INPP4B: variants seen among roughly 807,000 people sequenced by gnomAD.
INPP4B encodes the protein inositol polyphosphate-4-phosphatase type II B, also known as inositol polyphosphate 4-phosphatase type II.
In INPP4B, 55 loss-of-function variants were observed where a neutral mutation model predicts 122.5. The observed-to-expected ratio is 0.45, with a 90% confidence interval of 0.36 to 0.56. The LOEUF is 0.56. Ranked by LOEUF, INPP4B falls within the 20% of genes least tolerant of loss-of-function variation. INPP4B has a pLI of 0.00. For synonymous variants in INPP4B, 403 were observed against 388.7 expected (o/e 1.04, Z -0.43); for missense variants, 1,000 against 1,097.7 (o/e 0.91, Z 1.26).
chr4:142,504,484 T>C (rs1184031022), intron 2 of INPP4B, among the ~76,000 whole-genome samples: 2 of 152,188 alleles, frequency 1.3e-5, no homozygotes, highest in Non-Finnish European at 1.5e-5. Context: ...TACTTTTCTA[T>C]ATGCCCTATA....
intron 9 of INPP4B, among the ~76,000 whole-genome samples, chr4:142,294,781 G>A (rs74470854): frequency 0.017 from 2,242 of 132,072 alleles, 68 homozygotes; most frequent in African/African-American, 0.059. Context: ...GCAGACTTGA[G>A]ATCGTGCCAC....
chr4:142,086,340 A>G (rs372294580), intron 23 of INPP4B, 84 bp from the exon 24 acceptor site: 2 of 747,086 alleles, frequency 2.7e-6, no homozygotes, highest in African/African-American at 3.5e-5. Flanking sequence ...CAATACATTT[A>G]TTTGCAAACA....
At chr4:142,757,002 A>G (rs1770604158) in intron 1 of INPP4B, among the ~76,000 whole-genome samples, 1 of 152,190 alleles carries the variant, frequency 6.6e-6, no homozygotes, top group Non-Finnish European at 1.5e-5. Flanking sequence ...GCTGCAATCA[A>G]TAAACATTAT....
chr4:142,046,923 C>A (rs778116244), intron 25 of INPP4B, among the ~76,000 whole-genome samples: 1 of 152,014 alleles, frequency 6.6e-6, no homozygotes, highest in African/African-American at 2.4e-5. Context: ...AGAGAGCTCA[C>A]CTTACAAGGC....
In INPP4B at chr4:142,758,471, T is replaced by A. The variant is rs138492983; in HGVS notation, c.-253-32570A>T. 4.3e-4 allele frequency among the ~76,000 whole-genome samples: 66 copies of A among 152,264 alleles called. 2 individuals are homozygous for A. In the East Asian group the frequency reaches 0.012, roughly 28 times the overall value. On this transcript the variant is annotated intron_variant, in intron 1 of 25. Transcript: ENST00000262992. ...AAAAGAGTGAATGCTGTCATAATTG[T>A]AAGTTCCTCCAGAGGCCCATGACAG... is the stretch of plus-strand genomic sequence containing the variant.
intron 2 of INPP4B, among the ~76,000 whole-genome samples, chr4:142,516,913 G>A (rs1413335741): frequency 2.0e-5 from 3 of 151,852 alleles, no homozygotes; most frequent in South Asian, 2.1e-4. Context: ...GCAACAGCTC[G>A]CTACTGTTAC....
At chr4:142,061,099 T>C (rs1178395265) in intron 25 of INPP4B, among the ~76,000 whole-genome samples, 6 of 152,128 alleles carry the variant, frequency 3.9e-5, no homozygotes, top group African/African-American at 1.4e-4. Context: ...AGGAAGGTGA[T>C]GGTTGATCCA....
intron 7 of INPP4B, among the ~76,000 whole-genome samples, chr4:142,365,829 C>G (rs1787254742): frequency 6.6e-6 from 1 of 151,974 alleles, no homozygotes; most frequent in East Asian, 1.9e-4. Context: ...CCCTCACTTA[C>G]TCAGGGTAAC....
intron 2 of INPP4B, among the ~76,000 whole-genome samples, chr4:142,649,389 G>T (rs1275315679): frequency 2.6e-5 from 4 of 152,192 alleles, no homozygotes; most frequent in Non-Finnish European, 4.4e-5. Flanking sequence ...GTTGACAGAA[G>T]TAGGCTTCAG....
At chr4:142,228,019 T>C (rs1852378858) in intron 12 of INPP4B, among the ~76,000 whole-genome samples, 2 of 151,866 alleles carry the variant, frequency 1.3e-5, no homozygotes, top group South Asian at 2.1e-4. Context: ...TGGTCAAGGA[T>C]GGAATAAAAC....
At chr4:142,085,532 T>C (rs1201795048) in intron 24 of INPP4B, among the ~76,000 whole-genome samples, 1 of 152,154 alleles carries the variant, frequency 6.6e-6, no homozygotes, top group Non-Finnish European at 1.5e-5. Context: ...GCCTTAAAAA[T>C]ACAGGCTTTT....
intron 2 of INPP4B, among the ~76,000 whole-genome samples, chr4:142,493,957 TG>T (rs1822198869): frequency 6.6e-6 from 1 of 152,130 alleles, no homozygotes; most frequent in Non-Finnish European, 1.5e-5. Context: ...AGGGAACTGG[TG>T]AGAGATAATC....
intron 16 of INPP4B, among the ~76,000 whole-genome samples, chr4:142,162,791 A>T (rs1027677330): frequency 4.6e-5 from 7 of 151,878 alleles, no homozygotes; most frequent in South Asian, 4.1e-4. Context: ...AAAACCCAAA[A>T]TTTTTTTTGG....
chr4:142,211,546 GAAGA>G (rs1844906795), intron 12 of INPP4B, among the ~76,000 whole-genome samples: 1 of 152,184 alleles, frequency 6.6e-6, no homozygotes, highest in Non-Finnish European at 1.5e-5. Context: ...ACAGGGAAGA[GAAGA>G]AAGCAGCCAC....
intron 12 of INPP4B, among the ~76,000 whole-genome samples, chr4:142,233,941 C>T (rs1280391669): frequency 6.6e-6 from 1 of 152,044 alleles, no homozygotes; most frequent in Non-Finnish European, 1.5e-5. Flanking sequence ...TATGTAAGTA[C>T]ATCAGCTTCG....
chr4:142,131,509 G>C (rs1801253974), intron 18 of INPP4B, among the ~76,000 whole-genome samples: 1 of 152,206 alleles, frequency 6.6e-6, no homozygotes, highest in African/African-American at 2.4e-5. Context: ...TTTGCTATAT[G>C]CATGAAATGT....
intron 2 of INPP4B, among the ~76,000 whole-genome samples, chr4:142,714,250 C>T (rs1763481906): frequency 6.6e-6 from 1 of 152,156 alleles, no homozygotes; most frequent in Admixed American, 6.6e-5. Flanking sequence ...ACAGAGGGTA[C>T]TTCAGGCAAT....
At chr4:142,263,680 A>ATAT (rs61694410) in intron 10 of INPP4B, among the ~76,000 whole-genome samples, 212 of 81,760 alleles carry the variant, frequency 2.6e-3, no homozygotes, top group South Asian at 5.0e-3. Context: ...ATATATATAT[A>ATAT]ACATTGAACA....
At chr4:142,556,987 C>CA (rs1323418302) in intron 2 of INPP4B, among the ~76,000 whole-genome samples, 1 of 152,138 alleles carries the variant, frequency 6.6e-6, no homozygotes, top group Non-Finnish European at 1.5e-5. Flanking sequence ...AGCTGCTCCT[C>CA]AAAGCTGCCC....
Sources: gnomAD v4.1 joint callset for allele counts (sites outside exome capture counted in the v4.1 genomes callset) on GRCh38, gnomAD v4.1.1 for gene constraint, MANE v1.5 for transcripts, NCBI Gene and HGNC (gene_info 2026-07-23, HGNC 2026-07-21) for gene names.